Variants in DRD3 observed in about 807,000 individuals in gnomAD.
DRD3 encodes the protein D(3) dopamine receptor.
Under a neutral mutation model 36.3 loss-of-function variants are expected in DRD3, and 19 were observed. The observed-to-expected ratio is 0.52, with a 90% CI of 0.36 to 0.77. The LOEUF is 0.77. Among genes scored for constraint, DRD3 ranks in the 30% least tolerant of loss-of-function variants. The pLI is 0.00. For missense variants in DRD3, 465 were observed against 505.3 expected (o/e 0.92, Z 0.77); for synonymous variants, 195 against 203.7 (o/e 0.96, Z 0.36).
At chr3:114,175,321 T>C (rs1158679824) in intron 1 of DRD3, among the ~76,000 whole-genome samples, 1 of 152,152 alleles carries the variant, frequency 6.6e-6, no homozygotes, top group African/African-American at 2.4e-5. Flanking sequence ...TAAGCTGCAA[T>C]TGTAAAGTAT....
chr3:114,154,594 C>A (rs998759958), intron 3 of DRD3, among the ~76,000 whole-genome samples: 4 of 151,612 alleles, frequency 2.6e-5, no homozygotes, highest in African/African-American at 7.3e-5. Flanking sequence ...GACTGGAAAG[C>A]CTTTTGCAAA....
chr3:114,147,513 C>A lies in DRD3; in HGVS notation c.428G>T (p.Gly143Val). Residue 143 changes from glycine to valine, a missense_variant, in exon 4 of 7, where the codon GGA becomes GTA. By Grantham distance (109) the Gly-to-Val change is moderately radical. Transcript: ENST00000383673. ...VMPVHYQHGT[G>V]QSSCRRVALM... ...GGCCACGCGCCGACAGGAGCTCTGT[C>A]CCGTGCCATGCTGGTAGTGAACGGG... 1 of 1,614,110 alleles carries A rather than the reference C, an allele frequency of 6.2e-7. No homozygotes were observed. Among genetic ancestry groups the A allele is most frequent in the Non-Finnish European group, 8.5e-7 (1 of 1,180,022 alleles).
intron 1 of DRD3, among the ~76,000 whole-genome samples, chr3:114,173,476 T>C (rs2077866491): frequency 6.6e-6 from 1 of 152,090 alleles, no homozygotes; most frequent in Non-Finnish European, 1.5e-5. Flanking sequence ...ACATCACGGG[T>C]CTCATTCTAA....
At chr3:114,143,447 G>A (rs2077544359) in intron 4 of DRD3, among the ~76,000 whole-genome samples, 1 of 152,170 alleles carries the variant, frequency 6.6e-6, no homozygotes, top group African/African-American at 2.4e-5. Flanking sequence ...AAAGACAAAG[G>A]CATCTATGAG....
intron 4 of DRD3, among the ~76,000 whole-genome samples, chr3:114,140,673 G>A (rs1577587148): frequency 6.6e-6 from 1 of 152,152 alleles, no homozygotes; most frequent in Non-Finnish European, 1.5e-5. Flanking sequence ...TGAAAAATAT[G>A]TTCTTGCAGC....
At chr3:114,158,458 C>A (rs1395571585) in intron 3 of DRD3, among the ~76,000 whole-genome samples, 1 of 152,104 alleles carries the variant, frequency 6.6e-6, no homozygotes, top group South Asian at 2.1e-4. Flanking sequence ...ATTTAGTACA[C>A]ATTTTCAGGA....
chr3:114,130,098 A>G (rs2077415697), intron 6 of DRD3, among the ~76,000 whole-genome samples: 1 of 151,912 alleles, frequency 6.6e-6, no homozygotes, highest in African/African-American at 2.4e-5. Flanking sequence ...AAACAAATAA[A>G]AATTAAAAAA....
intron 6 of DRD3, among the ~76,000 whole-genome samples, chr3:114,130,344 C>G (rs192879645): frequency 1.3e-5 from 2 of 152,044 alleles, no homozygotes; most frequent in Admixed American, 1.3e-4. Flanking sequence ...GGAATAAGCA[C>G]CCACCACTCA....
At chr3:114,196,957 T>A (rs573509568) in intron 1 of DRD3, among the ~76,000 whole-genome samples, 26 of 151,582 alleles carry the variant, frequency 1.7e-4, no homozygotes, top group South Asian at 8.3e-4. Context: ...TAGTCTTTTT[T>A]AAATTTATTT....
chr3:114,159,059 G>C (rs2077707922), intron 3 of DRD3, among the ~76,000 whole-genome samples: 1 of 152,138 alleles, frequency 6.6e-6, no homozygotes, highest in African/African-American at 2.4e-5. Flanking sequence ...GGGAGAAACA[G>C]AGGGACCCAG....
chr3:114,180,188 A>G (rs1409029339), upstream of DRD3, among the ~76,000 whole-genome samples: 1 of 152,074 alleles, frequency 6.6e-6, no homozygotes, highest in Non-Finnish European at 1.5e-5. Context: ...AATAATATTA[A>G]TAATACATTT....
chr3:114,132,114 T>C (rs1470491824), intron 5 of DRD3, among the ~76,000 whole-genome samples: 1 of 152,210 alleles, frequency 6.6e-6, no homozygotes, highest in Non-Finnish European at 1.5e-5. Context: ...CATGTATGTT[T>C]ACTGCAGCAA....
chr3:114,172,552 A>G (rs1387458438), intron 1 of DRD3, among the ~76,000 whole-genome samples: 1 of 152,204 alleles, frequency 6.6e-6, no homozygotes, highest in Non-Finnish European at 1.5e-5. Context: ...AGGCAGGAGT[A>G]GAATAGGAGG....
chr3:114,148,733 G>A (rs763873432), intron 3 of DRD3, among the ~76,000 whole-genome samples: 3 of 152,056 alleles, frequency 2.0e-5, no homozygotes, highest in Admixed American at 6.5e-5. Flanking sequence ...TTTATTTTGA[G>A]ATGGAATCTC....
intron 1 of DRD3, among the ~76,000 whole-genome samples, chr3:114,185,699 A>G (rs1383265142): frequency 6.6e-6 from 1 of 151,174 alleles, no homozygotes; most frequent in East Asian, 1.9e-4. Context: ...TTTTTAAGAG[A>G]TGGGCTTGGT....
chr3:114,159,953 T>TCTACACTAGGCAGCAA, intron 2 of DRD3, 86 bp from the exon 3 acceptor site: 1 of 1,158,892 alleles, frequency 8.6e-7, no homozygotes, highest in Non-Finnish European at 1.3e-6. Flanking sequence ...CTTTGCTGCC[T>TCTACACTAGGCAGCAA]AGTGTAGATG....
intron 3 of DRD3, among the ~76,000 whole-genome samples, chr3:114,152,161 A>G (rs2077623948): frequency 6.6e-6 from 1 of 152,108 alleles, no homozygotes; most frequent in Non-Finnish European, 1.5e-5. Context: ...TGGTGCACCC[A>G]TCACCCAAGC....
chr3:114,171,936 G>A lies in DRD3; in HGVS notation c.57C>T (p.Asn19=). ...GGCGGGCCTGGCTGGCACCTGTGGAGTTCTCTGCCCCACAGGTGTAGTTCA... is the reference window on the plus strand; with the variant it reads ...GGCGGGCCTGGCTGGCACCTGTGGAATTCTCTGCCCCACAGGTGTAGTTCA... ...GHLNYTCGAE[N]STGASQARPH... is the part of the protein sequence containing the mutation. The change falls in exon 2 of 7, where the codon AAC becomes AAT. Residue 19 remains asparagine (N), a synonymous_variant. Transcript: ENST00000383673. 1 of 1,589,876 alleles carries A rather than the reference G, an allele frequency of 6.3e-7. No homozygotes were observed. The highest frequency in any genetic ancestry group is 8.6e-7 in the Non-Finnish European group (1 of 1,167,380).
At chr3:114,160,942 A>G (rs560801193) in intron 2 of DRD3, among the ~76,000 whole-genome samples, 15 of 152,340 alleles carry the variant, frequency 9.8e-5, no homozygotes, top group African/African-American at 3.6e-4. Flanking sequence ...GCTTACAGTC[A>G]GGAATTTATA....
Sources: gnomAD v4.1 joint callset for allele counts (sites outside exome capture counted in the v4.1 genomes callset) on GRCh38, gnomAD v4.1.1 for gene constraint, MANE v1.5 for transcripts, NCBI Gene and HGNC (gene_info 2026-07-23, HGNC 2026-07-21) for gene names.